DIP2C: variants seen among roughly 807,000 people sequenced by gnomAD.
DIP2C encodes DIP2 acetate--CoA ligase C (putative), also known as disco-interacting protein 2 homolog C.
DIP2C carries 33 observed loss-of-function variants against 192.4 expected under a neutral mutation model. The ratio of observed to expected loss-of-function variants is 0.17; its 90% CI spans 0.13 to 0.23. The LOEUF (loss-of-function observed/expected upper bound fraction) is 0.23, where lower values mean the gene tolerates loss of function less well. DIP2C is among the 10% of genes least tolerant of loss of function. DIP2C has a pLI of 1.00. For synonymous variants in DIP2C, 979 were observed against 864.1 expected (o/e 1.13, Z -2.33); for missense variants, 1,537 against 2,110.1 (o/e 0.73, Z 5.32).
At position 480,764 on chromosome 10, in the gene DIP2C, T is replaced by G. The variant is rs540567467; in HGVS notation, c.157+5695A>C. ...AAACGTACGGGATCAAACTGACAGC[T>G]CCCTGTGGCAGAACACGTCTCCGGC... On this transcript the variant is annotated intron_variant, in intron 2 of 36. Transcript: ENST00000280886. Among the ~76,000 whole-genome samples, 283 of 152,224 alleles carry G rather than the reference T, an allele frequency of 1.9e-3. 1 individual carries two copies. Among genetic ancestry groups the G allele is most frequent in the Middle Eastern group, 6.8e-3 (2 of 294 alleles).
intron 31 of DIP2C, among the ~76,000 whole-genome samples, chr10:318,384 C>T (rs564844480): frequency 1.3e-5 from 2 of 152,306 alleles, no homozygotes; most frequent in South Asian, 2.1e-4. Flanking sequence ...CTCTTGCTGT[C>T]GGCAGTGAAG....
At chr10:400,742 C>T (rs576747400) in intron 9 of DIP2C, among the ~76,000 whole-genome samples, 1 of 150,964 alleles carries the variant, frequency 6.6e-6, no homozygotes, top group Non-Finnish European at 1.5e-5. Context: ...TAGCATTACT[C>T]TTCTTTATGG....
chr10:345,123 A>C lies in DIP2C; in HGVS notation c.3232-13T>G. The C allele has an allele frequency of 2.5e-6, 4 of 1,606,956 alleles. No individual in the cohort carries two copies. The highest frequency in any genetic ancestry group is 3.4e-6 in the Non-Finnish European group (4 of 1,178,110). On this transcript the variant is annotated splice_polypyrimidine_tract_variant and intron_variant, in intron 26 of 36. Coordinates refer to ENST00000280886, the MANE Select transcript of DIP2C (RefSeq NM_014974.3). Reference sequence around the variant, plus strand: ...CAGAGCGACTCACCTGGCATCAGAGAGCGAGAATGGAGCCATGAACGTGGA... The same window carrying C: ...CAGAGCGACTCACCTGGCATCAGAGCGCGAGAATGGAGCCATGAACGTGGA...
intron 31 of DIP2C, among the ~76,000 whole-genome samples, chr10:315,559 T>C (rs907389548): frequency 3.9e-5 from 6 of 152,214 alleles, no homozygotes; most frequent in African/African-American, 1.4e-4. Flanking sequence ...AACTCAGTGT[T>C]GTTTTTATTA....
At chr10:576,750 A>C (rs1209635202) in intron 1 of DIP2C, among the ~76,000 whole-genome samples, 1 of 152,108 alleles carries the variant, frequency 6.6e-6, no homozygotes, top group Non-Finnish European at 1.5e-5. Flanking sequence ...TCGACTAAAA[A>C]TAAAAAATTA....
intron 1 of DIP2C, among the ~76,000 whole-genome samples, chr10:593,585 T>TC (rs895431905): frequency 1.4e-5 from 2 of 143,440 alleles, no homozygotes; most frequent in Non-Finnish European, 3.0e-5. Context: ...GCAGGGGCCC[T>TC]CCTCGGTACT....
intron 17 of DIP2C, among the ~76,000 whole-genome samples, chr10:371,921 C>T (rs1961009531): frequency 5.3e-5 from 8 of 152,166 alleles, no homozygotes; most frequent in Admixed American, 4.6e-4. Flanking sequence ...TTAAGGTACA[C>T]TTATTTTTGT....
At chr10:645,346 T>C (rs1047689221) in intron 1 of DIP2C, among the ~76,000 whole-genome samples, 1 of 152,158 alleles carries the variant, frequency 6.6e-6, no homozygotes, top group Non-Finnish European at 1.5e-5. Flanking sequence ...TGGTGTAAGG[T>C]GATTTAGAAA....
At chr10:545,171 T>TTTC (rs1848220222) in intron 1 of DIP2C, among the ~76,000 whole-genome samples, 1 of 139,718 alleles carries the variant, frequency 7.2e-6, no homozygotes, top group Non-Finnish European at 1.5e-5. Context: ...TTTCCCTTTT[T>TTTC]TTTTTTTTTT....
intron 1 of DIP2C, among the ~76,000 whole-genome samples, chr10:597,542 G>T (rs895750871): frequency 2.6e-5 from 4 of 152,238 alleles, no homozygotes; most frequent in Non-Finnish European, 5.9e-5. Flanking sequence ...TGGGCAGCAG[G>T]GCTGGGCAGG....
chr10:278,195 G>A (rs1954621026), intron 36 of DIP2C, among the ~76,000 whole-genome samples: 1 of 150,690 alleles, frequency 6.6e-6, no homozygotes, highest in African/African-American at 2.5e-5. Flanking sequence ...CCTAGGGCAT[G>A]GGTGCCTACT....
chr10:436,362 A>G (rs1255424549), intron 4 of DIP2C, among the ~76,000 whole-genome samples: 1 of 152,256 alleles, frequency 6.6e-6, no homozygotes, highest in Non-Finnish European at 1.5e-5. Context: ...CTGCTGGGTC[A>G]TCGTGACCAT....
chr10:300,603 CG>C (rs2132261165), intron 32 of DIP2C, among the ~76,000 whole-genome samples: 1 of 151,652 alleles, frequency 6.6e-6, no homozygotes, highest in East Asian at 1.9e-4. Flanking sequence ...CGGCCCTGAG[CG>C]TGTGGAGAAG....
chr10:456,786 C>T (rs772304187), intron 3 of DIP2C, among the ~76,000 whole-genome samples: 3 of 152,180 alleles, frequency 2.0e-5, no homozygotes, highest in Admixed American at 6.5e-5. Context: ...TTTGTTCCAC[C>T]GTTTCGTTCT....
intron 32 of DIP2C, among the ~76,000 whole-genome samples, chr10:299,251 G>A (rs1413134719): frequency 6.6e-6 from 1 of 152,200 alleles, no homozygotes; most frequent in East Asian, 1.9e-4. Flanking sequence ...ACAGTTATCA[G>A]TTTCAGTAAT....
At chr10:587,099 C>G (rs1851095867) in intron 1 of DIP2C, among the ~76,000 whole-genome samples, 1 of 149,206 alleles carries the variant, frequency 6.7e-6, no homozygotes, top group African/African-American at 2.5e-5. Context: ...CCACCCGGAT[C>G]CCTGCTGATA....
rs1855862139 is a variant in DIP2C at position 651,072 on chromosome 10, C to T, written c.85+38422G>A. Reference sequence around the variant, plus strand: ...CCTAGCCCCTGCCACCCCTCCTGCTCTTGTCTCTCCCACACCTCCCAAACT... The same window carrying T: ...CCTAGCCCCTGCCACCCCTCCTGCTTTTGTCTCTCCCACACCTCCCAAACT... On this transcript the variant is annotated intron_variant, in intron 1 of 36. Coordinates refer to ENST00000280886, the MANE Select transcript of DIP2C (RefSeq NM_014974.3). This position sits in a 1 kb window ranked among gnomAD's most constrained non-coding sequence, Gnocchi z 4.1. The T allele has an allele frequency of 1.4e-6, 1 of 717,386 alleles. No individual in the cohort carries two copies. Among genetic ancestry groups the T allele is most frequent in the African/African-American group, 1.7e-5 (1 of 57,230 alleles). The allele number at this position is 717,386 out of a possible 1,614,324, so 44.4% of individuals were successfully genotyped here. A position where few individuals can be genotyped will look rare whatever the true frequency, so the allele number is the denominator to read the frequency against.
Position 299,677 on chromosome 10 carries a change from ATGAAC to A in DIP2C, c.3986+10349_3986+10353del, listed in dbSNP as rs141859321. Among the ~76,000 whole-genome samples, 1,314 of 152,340 alleles carry A rather than the reference ATGAAC, an allele frequency of 8.6e-3. 22 individuals are homozygous for A. The highest frequency in any genetic ancestry group is 0.03 in the African/African-American group (1,264 of 41,574). ...AAGCTTCTGTTCATCAAAGGACACAATGAACAGAATCAGCGGAGTGAAAACGCAAC... is the reference window on the plus strand; with the variant it reads ...AAGCTTCTGTTCATCAAAGGACACAAAGAATCAGCGGAGTGAAAACGCAAC... On this transcript the variant is annotated intron_variant, in intron 32 of 36. Transcript: ENST00000280886.
intron 2 of DIP2C, 107 bp downstream of exon 2, chr10:486,352 C>T: frequency 9.1e-7 from 1 of 1,097,254 alleles, no homozygotes; most frequent in East Asian, 2.5e-5. Flanking sequence ...CCAGACGCCT[C>T]CTCCTGCCGA....
Sources: gnomAD v4.1 joint callset for allele counts (sites outside exome capture counted in the v4.1 genomes callset) on GRCh38, gnomAD v4.1.1 for gene constraint, Gnocchi (gnomAD v3.1) non-coding constraint, MANE v1.5 for transcripts, NCBI Gene and HGNC (gene_info 2026-07-23, HGNC 2026-07-21) for gene names.